SNTG1: variants seen among roughly 807,000 people sequenced by gnomAD.
SNTG1 encodes the protein syntrophin gamma 1, also known as gamma-1-syntrophin.
SNTG1 carries 39 observed loss-of-function variants against 74.7 expected under a neutral mutation model. The observed-to-expected ratio is 0.52, with a 90% CI of 0.40 to 0.68. The LOEUF (loss-of-function observed/expected upper bound fraction) is 0.68. SNTG1 is among the 30% of genes least tolerant of loss of function. The pLI is 0.00. For synonymous variants in SNTG1, 254 were observed against 217.1 expected, an observed-to-expected ratio of 1.17 and a Z score of -1.49; for missense variants, 685 against 609.5, an observed-to-expected ratio of 1.12 and a Z score of -1.30.
At chr8:50,300,716 C>T (rs1314249553) in intron 2 of SNTG1, among the ~76,000 whole-genome samples, 2 of 152,042 alleles carry the variant, frequency 1.3e-5, no homozygotes, top group Non-Finnish European at 1.5e-5. Context: ...GGTACCATTT[C>T]CTTTTAGCCT....
intron 1 of SNTG1, among the ~76,000 whole-genome samples, chr8:50,113,982 T>G (rs1396886505): frequency 6.6e-6 from 1 of 151,862 alleles, no homozygotes; most frequent in Non-Finnish European, 1.5e-5. Flanking sequence ...TTCACATAAA[T>G]TATCATAGAA....
In SNTG1 at chr8:50,697,067, A is replaced by T. The variant is rs188621331; in HGVS notation, c.1039-7533A>T. On this transcript the variant is annotated intron_variant, in intron 15 of 18. Transcript: ENST00000642720. Reference sequence around the variant, plus strand: ...CATTTTAACAATATTAATTCTATTGATCCATAAGTATGAGCTGTTTTGTCA... The same window carrying T: ...CATTTTAACAATATTAATTCTATTGTTCCATAAGTATGAGCTGTTTTGTCA... 2.0e-3 allele frequency among the ~76,000 whole-genome samples: 305 copies of T among 152,164 alleles called. 4 individuals carry two copies. Among genetic ancestry groups the T allele is most frequent in the African/African-American group, 7.2e-3 (298 of 41,544 alleles).
chr8:50,128,805 A>C (rs536291926), intron 1 of SNTG1, among the ~76,000 whole-genome samples: 1 of 152,076 alleles, frequency 6.6e-6, no homozygotes, highest in Non-Finnish European at 1.5e-5. Context: ...ATAGAAAATT[A>C]TCTATATGCT....
intron 18 of SNTG1, among the ~76,000 whole-genome samples, chr8:50,786,348 G>A (rs1418095405): frequency 1.3e-5 from 2 of 151,778 alleles, no homozygotes; most frequent in Admixed American, 6.6e-5. Context: ...TACAAAACAT[G>A]GAAAGAAATT....
At chr8:50,440,767 A>T (rs144289314) in intron 5 of SNTG1, among the ~76,000 whole-genome samples, 1 of 152,232 alleles carries the variant, frequency 6.6e-6, no homozygotes, top group African/African-American at 2.4e-5. Context: ...ACTTAAGATG[A>T]CAGAAGGAAG....
intron 1 of SNTG1, among the ~76,000 whole-genome samples, chr8:50,134,824 A>G (rs2081421307): frequency 6.6e-6 from 1 of 152,204 alleles, no homozygotes; most frequent in Non-Finnish European, 1.5e-5. Flanking sequence ...CACTTTGAAC[A>G]GGAGACTAGA....
intron 1 of SNTG1, among the ~76,000 whole-genome samples, chr8:49,940,470 C>A (rs776854291): frequency 6.6e-6 from 1 of 152,130 alleles, no homozygotes; most frequent in Non-Finnish European, 1.5e-5. Flanking sequence ...TATCTCTTAA[C>A]TTGATTATAT....
At chr8:50,267,902 A>G (rs2087564757) in intron 2 of SNTG1, among the ~76,000 whole-genome samples, 1 of 152,324 alleles carries the variant, frequency 6.6e-6, no homozygotes, top group Non-Finnish European at 1.5e-5. Flanking sequence ...AAGGGTATAC[A>G]TGCTCACCAC....
At position 50,330,178 on chromosome 8, in the gene SNTG1, G is replaced by A. The variant is rs1406709190; in HGVS notation, c.-27-64034G>A. ...TTACCCTCATGCTGTTCCTGTGATA[G>A]TGAGTGAGTTCACATGAGATCTGAT... On this transcript the variant is annotated intron_variant, in intron 2 of 18. Coordinates refer to ENST00000642720, the MANE Select transcript of SNTG1 (RefSeq NM_018967.5). Among the ~76,000 whole-genome samples the A allele has an allele frequency of 2.6e-5, 4 of 152,096 alleles. No homozygotes were observed. In the East Asian group the frequency reaches 7.7e-4, roughly 29 times the overall value.
chr8:50,719,648 A>C (rs2095483006), intron 17 of SNTG1, among the ~76,000 whole-genome samples: 1 of 152,178 alleles, frequency 6.6e-6, no homozygotes, highest in Admixed American at 6.5e-5. Context: ...GTAGGTTAAG[A>C]ATAACAAACA....
intron 2 of SNTG1, among the ~76,000 whole-genome samples, chr8:50,321,427 T>C (rs1175147521): frequency 1.3e-5 from 2 of 152,154 alleles, no homozygotes; most frequent in Non-Finnish European, 2.9e-5. Flanking sequence ...TGTGTCTTTA[T>C]ATGTGAAGTG....
rs549669744 is a variant in SNTG1, at chr8:50,674,754, G to A, written c.1038+16091G>A. On this transcript the variant is annotated intron_variant, in intron 15 of 18. Transcript: ENST00000642720. ...CCTCTCTAGCTCTTTTAATTGTGAT[G>A]TTAGGGTGTAGATTTGAGATCTTTC... Among the ~76,000 whole-genome samples, 8 of 152,154 alleles carry A rather than the reference G, an allele frequency of 5.3e-5. No homozygotes were observed. In the East Asian group the frequency reaches 1.5e-3, roughly 29 times the overall value.
intron 1 of SNTG1, among the ~76,000 whole-genome samples, chr8:49,946,025 C>A (rs527314694): frequency 6.6e-6 from 1 of 152,250 alleles, no homozygotes; most frequent in South Asian, 2.1e-4. Context: ...AACCAGGAAG[C>A]AAACTTGGAT....
intron 2 of SNTG1, among the ~76,000 whole-genome samples, chr8:50,262,809 T>C (rs989335591): frequency 3.9e-5 from 6 of 151,918 alleles, no homozygotes; most frequent in African/African-American, 1.5e-4. Context: ...AAACTTTAAA[T>C]CCAAATTACT....
chr8:50,295,576 C>A (rs957068654), intron 2 of SNTG1, among the ~76,000 whole-genome samples: 19 of 152,094 alleles, frequency 1.2e-4, no homozygotes, highest in African/African-American at 4.6e-4. Context: ...CCTGCATTGT[C>A]AAGTCATAGT....
At chr8:50,403,984 T>C (rs890946490) in intron 4 of SNTG1, among the ~76,000 whole-genome samples, 9 of 152,160 alleles carry the variant, frequency 5.9e-5, no homozygotes, top group African/African-American at 2.2e-4. Context: ...ACAAAAATTA[T>C]ACAGGAAGAG....
Position 50,148,679 on chromosome 8 carries a change from C to A in SNTG1, c.-102-23882C>A, listed in dbSNP as rs1206298055. On this transcript the variant is annotated intron_variant, in intron 1 of 18. Coordinates refer to ENST00000642720, the MANE Select transcript of SNTG1 (RefSeq NM_018967.5). Reference sequence around the variant, plus strand: ...GGTTTTTTGTTCTTGTGATAGTTGGCTGAGAATGATGGTTTGCAGCTTCAT... The same window carrying A: ...GGTTTTTTGTTCTTGTGATAGTTGGATGAGAATGATGGTTTGCAGCTTCAT... Among the ~76,000 whole-genome samples, 3 of 152,230 alleles carry A rather than the reference C, an allele frequency of 2.0e-5. No homozygotes were observed. The South Asian group carries it at 6.2e-4, about 32-fold the overall frequency.
intron 1 of SNTG1, among the ~76,000 whole-genome samples, chr8:49,956,830 G>A (rs544034168): frequency 3.1e-4 from 47 of 152,178 alleles, no homozygotes; most frequent in Admixed American, 5.9e-4. Context: ...TATTAACTTA[G>A]ATAAGCATGG....
chr8:50,369,646 A>G (rs1038734257), intron 2 of SNTG1, among the ~76,000 whole-genome samples: 1 of 151,578 alleles, frequency 6.6e-6, no homozygotes, highest in Non-Finnish European at 1.5e-5. Context: ...CTAGCTCATT[A>G]TCTACCAAGT....
Sources: gnomAD v4.1 joint callset for allele counts (sites outside exome capture counted in the v4.1 genomes callset) on GRCh38, gnomAD v4.1.1 for gene constraint, MANE v1.5 for transcripts, NCBI Gene and HGNC (gene_info 2026-07-23, HGNC 2026-07-21) for gene names.